KLF12: variants seen among roughly 807,000 people sequenced by gnomAD.
KLF12 encodes Krueppel-like factor 12.
KLF12 carries 9 observed loss-of-function variants against 37.8 expected under a neutral mutation model. The ratio of observed to expected loss-of-function variants is 0.24; its 90% CI spans 0.14 to 0.42. KLF12 has a LOEUF of 0.42. KLF12 is among the 10% of genes least tolerant of loss of function. The pLI is 1.00. For synonymous variants in KLF12, 208 were observed against 202.1 expected (o/e 1.03, Z -0.25); for missense variants, 411 against 516.0 (o/e 0.80, Z 1.97).
In KLF12 at chr13:73,846,146, T is replaced by C. The variant is rs1057563; in HGVS notation, c.351A>G (p.Ser117=). The C allele has an allele frequency of 5.0e-6, 8 of 1,613,914 alleles. No individual in the cohort carries two copies. The highest frequency in any genetic ancestry group is 4.4e-5 in the South Asian group (4 of 91,072). Reference sequence around the variant, plus strand: ...ATGAGGCTAGACGACTAGAAGACGATGAAGAGGTTGAAGTTGAAGAAGGTG... The same window carrying C: ...ATGAGGCTAGACGACTAGAAGACGACGAAGAGGTTGAAGTTGAAGAAGGTG... The change falls in exon 4 of 8, where the codon TCA becomes TCG. Residue 117 remains serine, a synonymous_variant. Coordinates refer to ENST00000377669, the MANE Select transcript of KLF12 (RefSeq NM_007249.5).
chr13:74,000,002 G>A (rs1281624848), intron 1 of KLF12, among the ~76,000 whole-genome samples: 2 of 152,120 alleles, frequency 1.3e-5, no homozygotes, highest in Non-Finnish European at 2.9e-5. Context: ...GGGGTAAGTT[G>A]TTTCCATTTT....
chr13:74,000,409 A>AAG (rs147849828), intron 1 of KLF12, among the ~76,000 whole-genome samples: 11,639 of 152,228 alleles, frequency 0.076, 679 homozygotes, highest in African/African-American at 0.17. Flanking sequence ...CAATAGGAGA[A>AAG]AGATTTCAGA....
rs1403536550 is a variant in KLF12, at chr13:73,687,638, T to G, written c.*7852A>C. The G allele has an allele frequency of 6.6e-6, 1 of 152,122 alleles. No homozygotes were observed. The highest frequency in any genetic ancestry group is 1.5e-5 in the Non-Finnish European group (1 of 68,020). The allele number at this position is 152,122 out of a possible 1,614,324, so 9.4% of individuals were successfully genotyped here. A position where few individuals can be genotyped will look rare whatever the true frequency, so the allele number is the denominator to read the frequency against. ...AAGATGTTGGTATGTCCCTAAAATA[T>G]CTTACTTTTTGATTGCTTGGACACT... On this transcript the variant is annotated 3_prime_UTR_variant, in exon 8 of 8. Coordinates refer to ENST00000377669, the MANE Select transcript of KLF12 (RefSeq NM_007249.5).
intron 3 of KLF12, among the ~76,000 whole-genome samples, chr13:73,917,796 G>C (rs1392595767): frequency 6.6e-6 from 1 of 152,156 alleles, no homozygotes; most frequent in Non-Finnish European, 1.5e-5. Context: ...TTATGTATTT[G>C]GTGACCCCAC....
the KLF12 span, among the ~76,000 whole-genome samples, chr13:74,221,021 TG>T: frequency 1.3e-5 from 2 of 151,314 alleles, no homozygotes; most frequent in Non-Finnish European, 3.0e-5. Context: ...TTTTTTTTTT[TG>T]AGACAGAGTC....
At chr13:74,064,406 A>ATTTAG (rs10678425) in intron 1 of KLF12, among the ~76,000 whole-genome samples, 141,164 of 152,078 alleles carry the variant, frequency 0.93, 66,424 homozygotes, top group East Asian at 1. Context: ...CTCACTCAAT[A>ATTTAG]TTAAGTATTA....
the KLF12 span, among the ~76,000 whole-genome samples, chr13:74,270,372 G>A: frequency 2.0e-5 from 3 of 152,168 alleles, no homozygotes; most frequent in African/African-American, 7.2e-5. Flanking sequence ...TGAGGTAAAA[G>A]GAGCTGGAGA....
chr13:73,983,714 T>C (rs1891748001), intron 2 of KLF12, among the ~76,000 whole-genome samples: 1 of 152,208 alleles, frequency 6.6e-6, no homozygotes, highest in Non-Finnish European at 1.5e-5. Flanking sequence ...CACAAATCCC[T>C]GAGGCCACAA....
At chr13:74,115,015 CA>C (rs1251101610) in intron 1 of KLF12, among the ~76,000 whole-genome samples, 1 of 151,994 alleles carries the variant, frequency 6.6e-6, no homozygotes, top group East Asian at 1.9e-4. Flanking sequence ...AGGTAGAAAC[CA>C]TTCCCACTCT....
intron 6 of KLF12, among the ~76,000 whole-genome samples, chr13:73,764,456 A>G (rs1879771745): frequency 6.8e-6 from 1 of 146,468 alleles, no homozygotes; most frequent in Non-Finnish European, 1.5e-5. Context: ...CAGTTAAAGA[A>G]GATCTTAGTA....
At chr13:73,740,148 G>C (rs910911145) in intron 6 of KLF12, among the ~76,000 whole-genome samples, 4 of 152,192 alleles carry the variant, frequency 2.6e-5, no homozygotes, top group African/African-American at 9.7e-5. Flanking sequence ...AAGGTATTAG[G>C]AGGTGAAGCC....
At chr13:73,869,604 A>G (rs1886365691) in intron 3 of KLF12, among the ~76,000 whole-genome samples, 1 of 152,082 alleles carries the variant, frequency 6.6e-6, no homozygotes. Context: ...GCAAGTACAT[A>G]GATAAATTAT....
chr13:73,853,753 A>T (rs1885459105), intron 3 of KLF12, among the ~76,000 whole-genome samples: 1 of 144,858 alleles, frequency 6.9e-6, no homozygotes, highest in Non-Finnish European at 1.5e-5. Context: ...AAAAAAAAAA[A>T]TGGTAAGCAG....
At chr13:74,188,588 A>G in the KLF12 span, among the ~76,000 whole-genome samples, 5 of 152,196 alleles carry the variant, frequency 3.3e-5, no homozygotes, top group African/African-American at 1.2e-4. Flanking sequence ...TTAACATACC[A>G]GGTTTGAATC....
At chr13:73,970,334 G>A (rs369967918) in intron 2 of KLF12, among the ~76,000 whole-genome samples, 5 of 150,942 alleles carry the variant, frequency 3.3e-5, no homozygotes. Flanking sequence ...AAATCATAAA[G>A]CATTGTACAA....
chr13:74,128,410 G>A (rs1220840646), intron 1 of KLF12, among the ~76,000 whole-genome samples: 2 of 151,980 alleles, frequency 1.3e-5, no homozygotes, highest in Non-Finnish European at 2.9e-5. Context: ...TATCAAATCA[G>A]TTGCCACACA....
At chr13:73,796,243 G>C (rs182420628) in intron 5 of KLF12, among the ~76,000 whole-genome samples, 19 of 151,962 alleles carry the variant, frequency 1.3e-4, no homozygotes, top group Middle Eastern at 3.4e-3. Context: ...TTCTACATTT[G>C]CCTCCCCATG....
At chr13:73,742,943 G>T (rs2137903517) in intron 6 of KLF12, among the ~76,000 whole-genome samples, 1 of 151,916 alleles carries the variant, frequency 6.6e-6, no homozygotes, top group Middle Eastern at 3.4e-3. Flanking sequence ...CTGCTCAAAG[G>T]AAAGGCTGTT....
the KLF12 span, among the ~76,000 whole-genome samples, chr13:74,305,323 G>A: frequency 1.7e-4 from 26 of 152,038 alleles, no homozygotes; most frequent in African/African-American, 5.8e-4. Context: ...AAGTTGTTTA[G>A]GAAAACATCT....
Sources: allele counts gnomAD v4.1 joint callset (sites outside exome capture counted in the v4.1 genomes callset), GRCh38; gene constraint gnomAD v4.1.1; transcripts MANE v1.5; gene names NCBI Gene and HGNC (gene_info 2026-07-23, HGNC 2026-07-21).